TELO2: variants seen among roughly 807,000 people sequenced by gnomAD.
The protein encoded by TELO2 is telomere maintenance 2.
A neutral mutation model predicts 91.0 loss-of-function variants in TELO2; 71 were observed. The observed-to-expected ratio is 0.78, with a 90% CI of 0.64 to 0.95. TELO2 has a LOEUF of 0.95. Ranked by LOEUF, TELO2 falls within the 40% of genes least tolerant of loss-of-function variation. TELO2 has a pLI of 0.00. For missense variants in TELO2, 1,183 were observed against 1,141.3 expected (o/e 1.04, Z -0.53); for synonymous variants, 584 against 518.9 (o/e 1.13, Z -1.71).
In TELO2 at chr16:1,495,639, G is replaced by A. The variant is rs751674214; in HGVS notation, c.613+16G>A. 85 of 1,570,226 alleles carry A rather than the reference G, an allele frequency of 5.4e-5. No individual in the cohort carries two copies. Among genetic ancestry groups the A allele is most frequent in the Admixed American group, 3.7e-4 (21 of 57,064 alleles). On this transcript the variant is annotated intron_variant, in intron 3 of 20. Transcript: ENST00000262319. The stretch of plus-strand genomic sequence containing the variant: ...TCTCTCCAAGGTGAGGCCCTGCCTC[G>A]GGGACCCCCTTTGCCACCCGTCTTC...
chr16:1,501,634 A>C, intron 10 of TELO2, 29 bp from the exon 11 acceptor site: 2 of 1,591,328 alleles, frequency 1.3e-6, no homozygotes, highest in Non-Finnish European at 1.7e-6. Context: ...GGGGCCCCTA[A>C]AGGATTTTTG....
Position 1,507,286 on chromosome 16 carries a change from G to C in TELO2, c.2227-20G>C, listed in dbSNP as rs751820250. 1 of 1,606,408 alleles carries C rather than the reference G, an allele frequency of 6.2e-7. No homozygotes were observed. The highest frequency in any genetic ancestry group is 1.1e-5 in the South Asian group (1 of 91,018). ...GGACGGCGTCGGGACCCCACTGACT[G>C]TCCCTCTGCTGGTGTCCAGGTGGCT... On this transcript the variant is annotated intron_variant, in intron 18 of 20. Transcript: ENST00000262319.
At chr16:1,506,619 G>A (rs1287714717) in intron 17 of TELO2, 28 of 1,383,768 alleles carry the variant, frequency 2.0e-5, no homozygotes, top group East Asian at 8.4e-5. Flanking sequence ...GGCCCTGCTC[G>A]CCTCCTCCTG....
chr16:1,507,908 C>G (rs1051685171), intron 20 of TELO2, among the ~76,000 whole-genome samples, 192 bp downstream of exon 20: 1 of 122,002 alleles, frequency 8.2e-6, no homozygotes, highest in Non-Finnish European at 1.7e-5. Context: ...TGTGTCGGCC[C>G]GGGGTGTGTG....
At chr16:1,499,141 G>A in intron 5 of TELO2, 90 bp from the exon 6 acceptor site, 3 of 1,369,038 alleles carry the variant, frequency 2.2e-6, no homozygotes, top group Non-Finnish European at 3.1e-6. Flanking sequence ...CGGGAGTCAG[G>A]CCGCCGTCTG....
chr16:1,507,180 G>A, intron 18 of TELO2, 126 bp from the exon 19 acceptor site: 5 of 1,490,974 alleles, frequency 3.4e-6, no homozygotes, highest in Non-Finnish European at 1.8e-6. Context: ...CGGGCAGCGG[G>A]AGCATCCCCT....
Position 1,494,617 on chromosome 16 carries a change from GT to G in TELO2, c.335+2del. 6.2e-7 allele frequency: 1 copy of G among 1,610,654 alleles called. No individual in the cohort carries two copies. The highest frequency in any genetic ancestry group is 8.5e-7 in the Non-Finnish European group (1 of 1,178,256). On this transcript the variant is annotated splice_donor_variant, in intron 2 of 20. Coordinates refer to ENST00000262319, the MANE Select transcript of TELO2 (RefSeq NM_016111.4). LOFTEE classifies it high-confidence loss of function. The surrounding 1 kb of genome is among the most constrained non-coding windows in gnomAD (Gnocchi z 5.6). ...TGGAGACCATCGAGGGTGCTGCGGGGTGAGTGGGCTGGGCCCATCCTGGGGT... is the reference window on the plus strand; with the variant it reads ...TGGAGACCATCGAGGGTGCTGCGGGGGAGTGGGCTGGGCCCATCCTGGGGT...
Position 1,494,497 on chromosome 16 carries a change from AGCCTGGCTG to A in TELO2, c.218_226del (p.Ala73_Leu75del). On this transcript the variant is annotated inframe_deletion, in exon 2 of 21. Coordinates refer to ENST00000262319, the MANE Select transcript of TELO2 (RefSeq NM_016111.4). The surrounding 1 kb of genome is among the most constrained non-coding windows in gnomAD (Gnocchi z 5.6). ...GATGTCTTGCCAGCAGGCTGAGCCC[AGCCTGGCTG>A]GAGCTGCTGCCCCATGGCCGCCTGG... 6.2e-7 allele frequency: 1 copy of A among 1,613,278 alleles called. No individual in the cohort carries two copies. Among genetic ancestry groups the A allele is most frequent in the East Asian group, 2.2e-5 (1 of 44,856 alleles).
intron 15 of TELO2, among the ~76,000 whole-genome samples, chr16:1,503,424 G>C (rs186216899): frequency 5.3e-5 from 8 of 152,238 alleles, no homozygotes; most frequent in Non-Finnish European, 5.9e-5. Context: ...GGTGGTGGGC[G>C]ACTGTGGTCC....
intron 19 of TELO2, 76 bp downstream of exon 19, chr16:1,507,446 G>A: frequency 6.4e-7 from 1 of 1,568,866 alleles, no homozygotes; most frequent in African/African-American, 1.3e-5. Context: ...GCCCCGTGGA[G>A]CCTCGAGGTG....
At chr16:1,501,395 C>G (rs1223444277) in intron 9 of TELO2, 25 bp from the exon 10 acceptor site, 1 of 1,608,450 alleles carries the variant, frequency 6.2e-7, no homozygotes, top group African/African-American at 1.3e-5. Context: ...TGGCGGATGC[C>G]GCTGAGCCTG....
chr16:1,494,212 G>C lies in TELO2; in HGVS notation c.-36-34G>C. The stretch of plus-strand genomic sequence containing the variant: ...TCCTGAGCTTGTGTGGATTATTTCC[G>C]TGCCCCAAGCTGAGCCCTGTGTCCA... On this transcript the variant is annotated intron_variant, in intron 1 of 20. Coordinates refer to ENST00000262319, the MANE Select transcript of TELO2 (RefSeq NM_016111.4). This position sits in a 1 kb window ranked among gnomAD's most constrained non-coding sequence, Gnocchi z 5.6. 6.8e-7 allele frequency: 1 copy of C among 1,459,944 alleles called. No homozygotes were observed. Among genetic ancestry groups the C allele is most frequent in the Non-Finnish European group, 9.4e-7 (1 of 1,066,112 alleles). The allele number at this position is 1,459,944 out of a possible 1,614,324, so 90.4% of individuals were successfully genotyped here.
In TELO2 at chr16:1,495,638, C is replaced by T. The variant is rs764539790; in HGVS notation, c.613+15C>T. 3 of 1,570,326 alleles carry T rather than the reference C, an allele frequency of 1.9e-6. No homozygotes were observed. The highest frequency in any genetic ancestry group is 2.3e-5 in the East Asian group (1 of 44,070). On this transcript the variant is annotated intron_variant, in intron 3 of 20. Transcript: ENST00000262319. ...CTCTCTCCAAGGTGAGGCCCTGCCTCGGGGACCCCCTTTGCCACCCGTCTT... is the reference window on the plus strand; with the variant it reads ...CTCTCTCCAAGGTGAGGCCCTGCCTTGGGGACCCCCTTTGCCACCCGTCTT...
chr16:1,501,221 G>A (rs917665371), intron 9 of TELO2, among the ~76,000 whole-genome samples, 199 bp from the exon 10 acceptor site: 4 of 152,234 alleles, frequency 2.6e-5, no homozygotes, highest in Non-Finnish European at 4.4e-5. Flanking sequence ...TCAGCTTTGA[G>A]CACTCCCAGT....
rs2039420388 is a variant in TELO2, at chr16:1,494,842, G to A, written c.335+226G>A. ...CCCCACTTGCTCCCCGTCCGGCTGT[G>A]TCAGAGAGGGATGGGGTGGGAGTGT... On this transcript the variant is annotated intron_variant, in intron 2 of 20. Transcript: ENST00000262319. This position sits in a 1 kb window ranked among gnomAD's most constrained non-coding sequence, Gnocchi z 5.6. 1.3e-5 allele frequency among the ~76,000 whole-genome samples: 2 copies of A among 152,232 alleles called. No individual in the cohort carries two copies. The highest frequency in any genetic ancestry group is 1.5e-5 in the Non-Finnish European group (1 of 68,042).
In TELO2 at chr16:1,494,103, G is replaced by A. The variant is rs2039394983; in HGVS notation, c.-36-143G>A. 4 of 612,944 alleles carry A rather than the reference G, an allele frequency of 6.5e-6. 1 individual carries two copies. In the South Asian group the frequency reaches 8.0e-5, roughly 12 times the overall value. 38.0% of individuals were successfully genotyped at this position (612,944 alleles called of 1,614,324 possible). ...GCGAACTCTGGGTGGAAACCGGCAGGCACTGGAGGGGAAGGAGGCGGGACA... is the reference window on the plus strand; with the variant it reads ...GCGAACTCTGGGTGGAAACCGGCAGACACTGGAGGGGAAGGAGGCGGGACA... On this transcript the variant is annotated intron_variant, in intron 1 of 20. Transcript: ENST00000262319. This position sits in a 1 kb window ranked among gnomAD's most constrained non-coding sequence, Gnocchi z 5.6.
rs1291184537 is a variant in TELO2, at chr16:1,503,012, T to A, written c.1842+10T>A. On this transcript the variant is annotated intron_variant, in intron 15 of 20. Coordinates refer to ENST00000262319, the MANE Select transcript of TELO2 (RefSeq NM_016111.4). The stretch of plus-strand genomic sequence containing the variant: ...CATGGACATCCTGGATGTAAGTGCC[T>A]CCTGGGCCTCAGTCCCCCTGGTCTG... 6.2e-7 allele frequency: 1 copy of A among 1,609,058 alleles called. No individual in the cohort carries two copies. Among genetic ancestry groups the A allele is most frequent in the Admixed American group, 1.7e-5 (1 of 60,022 alleles).
Position 1,497,638 on chromosome 16 carries a change from TGTGGGTGGTGCCCTCTCA to T in TELO2, c.830+133_830+150del. On this transcript the variant is annotated intron_variant, in intron 5 of 20. Transcript: ENST00000262319. The surrounding 1 kb of genome is among the most constrained non-coding windows in gnomAD (Gnocchi z 4.0). ...GCACCCCCATGTAGGTGCCACAGGG[TGTGGGTGGTGCCCTCTCA>T]GTTCCCGCACGTGCTGATGGTGACC... is the stretch of plus-strand genomic sequence containing the variant. 7.8e-7 allele frequency: 1 copy of T among 1,289,266 alleles called. No individual in the cohort carries two copies. The highest frequency in any genetic ancestry group is 1.0e-6 in the Non-Finnish European group (1 of 964,524). The allele number at this position is 1,289,266 out of a possible 1,614,324, so 79.9% of individuals were successfully genotyped here.
chr16:1,498,822 C>T (rs1482735081), intron 5 of TELO2, among the ~76,000 whole-genome samples: 1 of 152,204 alleles, frequency 6.6e-6, no homozygotes, highest in South Asian at 2.1e-4. Context: ...CCCATAACCT[C>T]TCACCGGGAG....
Sources: gnomAD v4.1 joint callset for allele counts (sites outside exome capture counted in the v4.1 genomes callset) on GRCh38, gnomAD v4.1.1 for gene constraint, Gnocchi (gnomAD v3.1) non-coding constraint, MANE v1.5 for transcripts, NCBI Gene and HGNC (gene_info 2026-07-23, HGNC 2026-07-21) for gene names.